ALMS1: variants seen among roughly 807,000 people sequenced by gnomAD.
ALMS1 encodes centrosome-associated protein ALMS1.
A neutral mutation model predicts 352.2 loss-of-function variants in ALMS1; 271 were observed. The observed-to-expected ratio is 0.77, with a 90% confidence interval of 0.70 to 0.85. The LOEUF is 0.85. ALMS1 is among the 40% of genes least tolerant of loss of function. The probability of loss-of-function intolerance (pLI) is 0.00; values close to 1 mark genes in which losing one functional copy is unlikely to be tolerated. For synonymous variants in ALMS1, 1,865 were observed against 1,761.2 expected, an observed-to-expected ratio of 1.06 and a Z score of -1.48; for missense variants, 5,445 against 4,870.7, an observed-to-expected ratio of 1.12 and a Z score of -3.51.
intron 22 of ALMS1, 95 bp downstream of exon 22, chr2:73,608,669 A>G: frequency 1.0e-6 from 1 of 958,174 alleles, no homozygotes; most frequent in Non-Finnish European, 1.6e-6. Context: ...TGAAGTCAGA[A>G]TGAACCGCAT....
At chr2:73,554,567 G>A (rs978415874) in intron 13 of ALMS1, among the ~76,000 whole-genome samples, 1 of 151,530 alleles carries the variant, frequency 6.6e-6, no homozygotes, top group African/African-American at 2.4e-5. Flanking sequence ...AAAAAAATTA[G>A]CCGGGCGTGG....
intron 10 of ALMS1, among the ~76,000 whole-genome samples, chr2:73,498,856 A>G (rs926267447): frequency 6.6e-6 from 1 of 152,086 alleles, no homozygotes; most frequent in African/African-American, 2.4e-5. Context: ...CTTACCACAA[A>G]CACTGCTGCA....
intron 9 of ALMS1, among the ~76,000 whole-genome samples, chr2:73,474,567 C>T (rs751059582): frequency 2.2e-4 from 34 of 151,854 alleles, no homozygotes; most frequent in Admixed American, 2.6e-4. Flanking sequence ...GTCCACCTCC[C>T]GAGCTCAAGC....
At chr2:73,513,174 G>A (rs1673486719) in intron 10 of ALMS1, among the ~76,000 whole-genome samples, 1 of 152,038 alleles carries the variant, frequency 6.6e-6, no homozygotes, top group African/African-American at 2.4e-5. Flanking sequence ...GTCTCCTTGG[G>A]TGGATGCTCT....
At chr2:73,430,825 C>T (rs1460391578) in intron 6 of ALMS1, among the ~76,000 whole-genome samples, 1 of 152,036 alleles carries the variant, frequency 6.6e-6, no homozygotes, top group Non-Finnish European at 1.5e-5. Flanking sequence ...ACAAAATTGC[C>T]TGACAGCACA....
At chr2:73,467,032 C>T (rs564716005) in intron 9 of ALMS1, among the ~76,000 whole-genome samples, 6 of 152,120 alleles carry the variant, frequency 3.9e-5, no homozygotes, top group African/African-American at 1.4e-4. Context: ...ATAGACTTTA[C>T]TTTGAAAGGT....
chr2:73,429,016 G>T (rs759296302), intron 6 of ALMS1, among the ~76,000 whole-genome samples: 1 of 152,184 alleles, frequency 6.6e-6, no homozygotes, highest in Non-Finnish European at 1.5e-5. Flanking sequence ...ATCCAGTTCA[G>T]TTACTTTGTT....
chr2:73,593,267 A>G (rs930295952), intron 16 of ALMS1, among the ~76,000 whole-genome samples: 2 of 151,906 alleles, frequency 1.3e-5, no homozygotes, highest in African/African-American at 4.8e-5. Flanking sequence ...AGATGTGTGC[A>G]TTGTGATTAT....
At chr2:73,463,958 C>T (rs1672266445) in intron 9 of ALMS1, among the ~76,000 whole-genome samples, 1 of 152,154 alleles carries the variant, frequency 6.6e-6, no homozygotes, top group Non-Finnish European at 1.5e-5. Context: ...TAATCAATAG[C>T]TTACCAACCA....
At chr2:73,586,804 TGGAAATTG>T (rs1675322645) in intron 16 of ALMS1, among the ~76,000 whole-genome samples, 2 of 152,230 alleles carry the variant, frequency 1.3e-5, no homozygotes, top group Non-Finnish European at 2.9e-5. Flanking sequence ...GGTATTTTGA[TGGAAATTG>T]CATTGAATAT....
chr2:73,473,260 T>C (rs949781670), intron 9 of ALMS1, among the ~76,000 whole-genome samples: 7 of 151,736 alleles, frequency 4.6e-5, no homozygotes, highest in African/African-American at 1.7e-4. Context: ...AGTGTTTTTT[T>C]TCTTTCCTAT....
chr2:73,408,909 G>A (rs1214475408), intron 2 of ALMS1, among the ~76,000 whole-genome samples, 162 bp downstream of exon 2: 3 of 106,158 alleles, frequency 2.8e-5, no homozygotes, highest in Non-Finnish European at 5.2e-5. Flanking sequence ...GTCTCACTCT[G>A]TCACCCAGGC....
At chr2:73,420,324 G>C (rs768226914) in intron 3 of ALMS1, among the ~76,000 whole-genome samples, 2 of 152,146 alleles carry the variant, frequency 1.3e-5, no homozygotes, top group Non-Finnish European at 2.9e-5. Flanking sequence ...TGTAGAGCAG[G>C]AGTCTGCAAA....
chr2:73,424,949 A>C, intron 5 of ALMS1, 47 bp downstream of exon 5: 1 of 1,496,192 alleles, frequency 6.7e-7, no homozygotes, highest in Admixed American at 2.1e-5. Flanking sequence ...CAATTGATAA[A>C]AATAAAATTC....
At chr2:73,562,262 C>T (rs183272334) in intron 15 of ALMS1, among the ~76,000 whole-genome samples, 12 of 152,168 alleles carry the variant, frequency 7.9e-5, no homozygotes, top group Non-Finnish European at 1.5e-4. Flanking sequence ...AACTCCTGGG[C>T]TCAAGTGATC....
Position 73,572,760 on chromosome 2 carries a change from G to A in ALMS1, c.10883G>A (p.Arg3628Gln), listed in dbSNP as rs763549947. The part of the protein sequence containing the change: ...GDRKELSLVD[R>Q]LDRLAKILQN... ...AGGAAAGAACTGTCCTTGGTGGACC[G>A]ACTTGATCGTTTGGCTAAAATTCTT... The change falls in exon 16 of 23, where the codon CGA (arginine) becomes CAA (glutamine). Residue 3628 changes from arginine (R) to glutamine (Q), a missense_variant. Coordinates refer to ENST00000613296, the MANE Select transcript of ALMS1 (RefSeq NM_001378454.1). 10 of 1,613,918 alleles carry A rather than the reference G, an allele frequency of 6.2e-6. No individual in the cohort carries two copies. The highest frequency in any genetic ancestry group is 3.3e-5 in the Admixed American group (2 of 59,974).
chr2:73,477,964 C>G (rs918036590), intron 9 of ALMS1, among the ~76,000 whole-genome samples: 4 of 151,980 alleles, frequency 2.6e-5, no homozygotes, highest in African/African-American at 9.7e-5. Flanking sequence ...AATTTCTAAC[C>G]TGGTTGCCCT....
chr2:73,484,975 TC>T (rs1187846359), intron 9 of ALMS1, among the ~76,000 whole-genome samples: 1 of 152,166 alleles, frequency 6.6e-6, no homozygotes, highest in African/African-American at 2.4e-5. Flanking sequence ...TACACATTCT[TC>T]TAAATTTTTT....
At chr2:73,460,738 A>C (rs2091503) in intron 9 of ALMS1, among the ~76,000 whole-genome samples, 2 of 152,072 alleles carry the variant, frequency 1.3e-5, no homozygotes, top group Non-Finnish European at 2.9e-5. Flanking sequence ...TCACTCCCAC[A>C]CTAATACTGC....
Sources: allele counts gnomAD v4.1 joint callset (sites outside exome capture counted in the v4.1 genomes callset), GRCh38; gene constraint gnomAD v4.1.1; transcripts MANE v1.5; gene names NCBI Gene and HGNC (gene_info 2026-07-23, HGNC 2026-07-21).